The following TRABD2A variants were observed in gnomAD, a reference collection of about 807,000 sequenced individuals.
TRABD2A encodes TraB domain containing 2A, also known as metalloprotease TIKI1.
Under a neutral mutation model 45.6 loss-of-function variants are expected in TRABD2A, and 43 were observed. The ratio of observed to expected loss-of-function variants is 0.94; its 90% CI spans 0.74 to 1.22. The LOEUF is 1.22. TRABD2A is among the 50% of genes most tolerant of loss of function. The pLI is 0.00. For synonymous variants in TRABD2A, 269 were observed against 265.0 expected, an observed-to-expected ratio of 1.02 and a Z score of -0.15; for missense variants, 642 against 652.4, an observed-to-expected ratio of 0.98 and a Z score of 0.17.
At chr2:84,826,131 G>A (rs1309125468) in intron 5 of TRABD2A, among the ~76,000 whole-genome samples, 1 of 152,196 alleles carries the variant, frequency 6.6e-6, no homozygotes, top group East Asian at 1.9e-4. Flanking sequence ...ACAGGTCCTG[G>A]TACATGGTAG....
chr2:84,834,068 A>G (rs894803353), intron 4 of TRABD2A: 7 of 152,246 alleles, frequency 4.6e-5, no homozygotes, highest in African/African-American at 1.4e-4. Flanking sequence ...TGGAAAGCAG[A>G]AGCCCACACT....
At chr2:84,880,341 A>G (rs1352996989) in intron 1 of TRABD2A, among the ~76,000 whole-genome samples, 4 of 152,160 alleles carry the variant, frequency 2.6e-5, no homozygotes, top group African/African-American at 9.7e-5. Context: ...TGGACACGCA[A>G]GGCTCGGACA....
At chr2:84,822,414 T>C (rs1681026980) in intron 6 of TRABD2A, among the ~76,000 whole-genome samples, 1 of 152,194 alleles carries the variant, frequency 6.6e-6, no homozygotes, top group South Asian at 2.1e-4. Flanking sequence ...CATTAGTCTC[T>C]GGGCAATCTT....
At chr2:84,868,496 A>G (rs1312075971) in intron 2 of TRABD2A, among the ~76,000 whole-genome samples, 1 of 142,382 alleles carries the variant, frequency 7.0e-6, no homozygotes, top group Non-Finnish European at 1.5e-5. Flanking sequence ...TGGTGCAGCT[A>G]TTAACTAATT....
At chr2:84,823,911 G>C (rs1224418071) in intron 6 of TRABD2A, 42 bp downstream of exon 6, 1 of 1,609,474 alleles carries the variant, frequency 6.2e-7, no homozygotes, top group Non-Finnish European at 8.5e-7. Context: ...CGCTCACTAG[G>C]GTAAAGGTGG....
chr2:84,832,066 T>C lies in TRABD2A; in HGVS notation c.1071A>G (p.Arg357=), dbSNP rs1230532602. 1 of 1,613,334 alleles carries C rather than the reference T, an allele frequency of 6.2e-7. No individual in the cohort carries two copies. Among genetic ancestry groups the C allele is most frequent in the Non-Finnish European group, 8.5e-7 (1 of 1,179,878 alleles). ...GYEVEHAPAG[R]PIHKGKSKKT... is the part of the protein sequence containing the mutation. ...CACAGGACGGTTACTTGTGGATGGG[T>C]CGTCCAGCAGGGGCGTGTTCTACCT... Residue 357 remains arginine, a synonymous_variant, in exon 5 of 7, where the codon CGA becomes CGG. Coordinates refer to ENST00000409520, the MANE Select transcript of TRABD2A (RefSeq NM_001277053.2).
chr2:84,859,783 A>G (rs1682432471), intron 2 of TRABD2A, among the ~76,000 whole-genome samples: 1 of 152,160 alleles, frequency 6.6e-6, no homozygotes, highest in Non-Finnish European at 1.5e-5. Flanking sequence ...GGGGGTTCCA[A>G]ATTTTGCATT....
chr2:84,842,828 T>G (rs1174914270), intron 2 of TRABD2A, among the ~76,000 whole-genome samples: 3 of 152,038 alleles, frequency 2.0e-5, no homozygotes, highest in African/African-American at 7.2e-5. Flanking sequence ...GTCTCCTTGA[T>G]GGGGAACAGA....
At chr2:84,835,603 G>A (rs1234606562) in intron 4 of TRABD2A, 1 of 152,192 alleles carries the variant, frequency 6.6e-6, no homozygotes, top group Non-Finnish European at 1.5e-5. Context: ...TTTTTGTAGA[G>A]ATGAGGTCTC....
chr2:84,864,351 G>A (rs1019557168), intron 2 of TRABD2A, among the ~76,000 whole-genome samples: 5 of 152,130 alleles, frequency 3.3e-5, no homozygotes, highest in African/African-American at 4.8e-5. Context: ...TTTTGCAAGC[G>A]ATTGGGATTC....
At chr2:84,863,305 C>T (rs1487774287) in intron 2 of TRABD2A, among the ~76,000 whole-genome samples, 3 of 130,490 alleles carry the variant, frequency 2.3e-5, no homozygotes, top group Admixed American at 9.2e-5. Flanking sequence ...AGTGCAGTGG[C>T]GCAATCTCGG....
chr2:84,842,086 A>G, intron 2 of TRABD2A, 79 bp from the exon 3 acceptor site: 1 of 1,392,260 alleles, frequency 7.2e-7, no homozygotes, highest in Admixed American at 3.0e-5. Flanking sequence ...CATGGCTGGA[A>G]ATACCTTCAC....
chr2:84,829,625 G>A lies in TRABD2A; in HGVS notation c.1082+2430C>T, dbSNP rs561457733. On this transcript the variant is annotated intron_variant, in intron 5 of 6. Transcript: ENST00000409520. ...CGTACCACACACACCACAACACAACGCAAACCCCACACGTACACAACACAC... is the reference window on the plus strand; with the variant it reads ...CGTACCACACACACCACAACACAACACAAACCCCACACGTACACAACACAC... Among the ~76,000 whole-genome samples, 40 of 110,216 alleles carry A rather than the reference G, an allele frequency of 3.6e-4. 1 individual carries two copies. The highest frequency in any genetic ancestry group is 3.4e-3 in the South Asian group (12 of 3,516). 72.3% of individuals were successfully genotyped at this position (110,216 alleles called of 152,430 possible). A position where few individuals can be genotyped will look rare whatever the true frequency, so the allele number is the denominator to read the frequency against.
rs763184555 is a variant in TRABD2A, at chr2:84,824,079, A to G, written c.1208T>C (p.Val403Ala). ...CGTGTCGGCACTTCCAGGCCGGGAC[A>G]CAAGGGGAGGCAGCGTTGAGTGCCC... ...SSGHSTLPPL[V>A]SRPGSADTPS... Residue 403 changes from valine (V) to alanine (A), a missense_variant, in exon 6 of 7, where the codon GTG becomes GCG. By Grantham distance (64) the Val-to-Ala change is moderately conservative. Transcript: ENST00000409520. The G allele has an allele frequency of 1.9e-6, 3 of 1,613,752 alleles. No homozygotes were observed. The highest frequency in any genetic ancestry group is 1.7e-5 in the Admixed American group (1 of 59,994).
At chr2:84,831,769 T>C (rs938672197) in intron 5 of TRABD2A, among the ~76,000 whole-genome samples, 2 of 152,128 alleles carry the variant, frequency 1.3e-5, no homozygotes. Flanking sequence ...CCTCAACCCC[T>C]GGGCAACCTT....
chr2:84,824,099 G>A lies in TRABD2A; in HGVS notation c.1188C>T (p.His396=), dbSNP rs755523009. 1.2e-6 allele frequency: 2 copies of A among 1,613,828 alleles called. No individual in the cohort carries two copies. Among genetic ancestry groups the A allele is most frequent in the East Asian group, 2.2e-5 (1 of 44,894 alleles). Residue 396 remains histidine, a synonymous_variant, in exon 6 of 7, where the codon CAC becomes CAT. Coordinates refer to ENST00000409520, the MANE Select transcript of TRABD2A (RefSeq NM_001277053.2). ...VPAPEAVSSG[H]STLPPLVSRP... is the part of the protein sequence containing the mutation. ...GGGACACAAGGGGAGGCAGCGTTGA[G>A]TGCCCTGAGGATACGGCTTCTGGTG...
In TRABD2A at chr2:84,853,767, G is replaced by A. The variant is rs764449802; in HGVS notation, c.670-11760C>T. 1.2e-3 allele frequency among the ~76,000 whole-genome samples: 188 copies of A among 152,296 alleles called. 1 individual carries two copies. Among genetic ancestry groups the A allele is most frequent in the Non-Finnish European group, 1.7e-3 (119 of 68,030 alleles). On this transcript the variant is annotated intron_variant, in intron 2 of 6. Transcript: ENST00000409520. ...AGCCTTGATGGGTGCAGTGGCTTAC[G>A]CCTATAATCCCAGCACTTTGGGAGG...
intron 4 of TRABD2A, chr2:84,833,355 G>A (rs1204438777): frequency 1.3e-5 from 2 of 152,198 alleles, no homozygotes; most frequent in African/African-American, 4.8e-5. Context: ...AAAAAGTCAT[G>A]TCTTTCACCA....
At chr2:84,840,180 C>A (rs966722100) in intron 3 of TRABD2A, among the ~76,000 whole-genome samples, 1 of 152,200 alleles carries the variant, frequency 6.6e-6, no homozygotes, top group Non-Finnish European at 1.5e-5. Flanking sequence ...TCTGTGACAG[C>A]ATTAACTTCC....
Sources: allele counts gnomAD v4.1 joint callset (sites outside exome capture counted in the v4.1 genomes callset), GRCh38; gene constraint gnomAD v4.1.1; transcripts MANE v1.5; gene names NCBI Gene and HGNC (gene_info 2026-07-23, HGNC 2026-07-21).